DPP10: variants seen among roughly 807,000 people sequenced by gnomAD.
DPP10 encodes dipeptidyl peptidase like 10.
In DPP10, 33 loss-of-function variants were observed where a neutral mutation model predicts 120.9. The observed-to-expected ratio is 0.27, with a 90% CI of 0.21 to 0.37. The LOEUF (loss-of-function observed/expected upper bound fraction) is 0.37, where lower values mean the gene tolerates loss of function less well. DPP10 is among the 10% of genes least tolerant of loss of function. The pLI is 1.00. For missense variants in DPP10, 816 were observed against 942.8 expected (o/e 0.87, Z 1.76); for synonymous variants, 337 against 326.1 (o/e 1.03, Z -0.36).
At chr2:114,497,345 A>C (rs1246138558) in intron 1 of DPP10, among the ~76,000 whole-genome samples, 1 of 27,262 alleles carries the variant, frequency 3.7e-5, no homozygotes, top group Non-Finnish European at 1.1e-4. Flanking sequence ...GTACATATAC[A>C]TACACATGTA....
chr2:115,731,022 C>T (rs2092894527), intron 8 of DPP10, among the ~76,000 whole-genome samples: 1 of 152,032 alleles, frequency 6.6e-6, no homozygotes, highest in African/African-American at 2.4e-5. Context: ...CCCAGGATTT[C>T]AAGACCAGCC....
At chr2:115,337,890 T>C (rs2063239758) in intron 2 of DPP10, among the ~76,000 whole-genome samples, 1 of 151,918 alleles carries the variant, frequency 6.6e-6, no homozygotes, top group African/African-American at 2.4e-5. Context: ...TATATAGTTT[T>C]CTCAGTATTG....
intron 1 of DPP10, among the ~76,000 whole-genome samples, chr2:115,295,128 G>A (rs2060827681): frequency 2.0e-5 from 3 of 151,992 alleles, no homozygotes; most frequent in Admixed American, 2.0e-4. Context: ...GGACATTCTG[G>A]GGACTGCTGC....
intron 4 of DPP10, among the ~76,000 whole-genome samples, chr2:115,520,222 G>T (rs957411670): frequency 6.6e-6 from 1 of 152,158 alleles, no homozygotes. Flanking sequence ...GGAGGCTGAG[G>T]CAGGAGAACT....
intron 2 of DPP10, among the ~76,000 whole-genome samples, chr2:115,314,895 T>C (rs2061720478): frequency 6.6e-6 from 1 of 152,010 alleles, no homozygotes; most frequent in Non-Finnish European, 1.5e-5. Context: ...GAAGACAGCA[T>C]TTAAGGTATT....
At chr2:114,507,140 T>C (rs550270805) in intron 1 of DPP10, among the ~76,000 whole-genome samples, 1 of 151,062 alleles carries the variant, frequency 6.6e-6, no homozygotes. Context: ...CTCCACCTCC[T>C]GGGCTCAAGT....
At chr2:115,494,927 C>T (rs530637088) in intron 3 of DPP10, among the ~76,000 whole-genome samples, 13 of 152,002 alleles carry the variant, frequency 8.6e-5, no homozygotes, top group African/African-American at 2.2e-4. Context: ...TAGATTATCA[C>T]GTCAAAATTA....
At chr2:114,948,432 T>A (rs1697528462) in intron 1 of DPP10, among the ~76,000 whole-genome samples, 1 of 152,192 alleles carries the variant, frequency 6.6e-6, no homozygotes, top group African/African-American at 2.4e-5. Flanking sequence ...ATCCTGCTCA[T>A]CAGCTGTCTT....
At chr2:115,014,422 A>T (rs1702486349) in intron 1 of DPP10, among the ~76,000 whole-genome samples, 2 of 152,286 alleles carry the variant, frequency 1.3e-5, no homozygotes, top group South Asian at 4.1e-4. Context: ...CCCTAACATG[A>T]TAATTAAAAG....
intron 1 of DPP10, among the ~76,000 whole-genome samples, chr2:114,924,025 G>C (rs1574494406): frequency 6.6e-6 from 1 of 152,094 alleles, no homozygotes. Flanking sequence ...GGCCCAGCTT[G>C]ATTCTTAATA....
chr2:115,708,198 A>C (rs1198296681), intron 7 of DPP10, among the ~76,000 whole-genome samples: 1 of 151,946 alleles, frequency 6.6e-6, no homozygotes. Context: ...TTTAACGTTT[A>C]TGTTATTATG....
intron 1 of DPP10, among the ~76,000 whole-genome samples, chr2:114,702,254 C>T (rs888780759): frequency 6.6e-6 from 1 of 151,968 alleles, no homozygotes; most frequent in African/African-American, 2.4e-5. Flanking sequence ...ACCAGGGGGG[C>T]ATGGTCAGAA....
chr2:115,815,569 A>T, intron 20 of DPP10, 106 bp from the exon 21 acceptor site: 2 of 965,810 alleles, frequency 2.1e-6, no homozygotes, highest in South Asian at 1.9e-5. Context: ...TTAGTAAAGC[A>T]TTTCTAGTCA....
At chr2:115,761,573 A>G (rs989555345) in intron 11 of DPP10, among the ~76,000 whole-genome samples, 6 of 152,148 alleles carry the variant, frequency 3.9e-5, no homozygotes, top group Admixed American at 6.5e-5. Context: ...TGGCATTGGT[A>G]TCTATTTTAT....
intron 3 of DPP10, among the ~76,000 whole-genome samples, chr2:115,448,214 A>G (rs1314701706): frequency 6.6e-6 from 1 of 152,190 alleles, no homozygotes; most frequent in Admixed American, 6.6e-5. Flanking sequence ...ACATACACAC[A>G]CTGGAAAATG....
chr2:115,746,252 T>C, intron 10 of DPP10, 69 bp downstream of exon 10: 2 of 1,335,834 alleles, frequency 1.5e-6, no homozygotes, highest in Non-Finnish European at 2.1e-6. Context: ...TTTGTTGCAA[T>C]TTAGAGAGAG....
At chr2:115,791,219 T>A (rs1318053933) in intron 18 of DPP10, 40 bp downstream of exon 18, 6 of 1,606,500 alleles carry the variant, frequency 3.7e-6, no homozygotes, top group African/African-American at 1.3e-5. Flanking sequence ...AGAACAACTT[T>A]CTCTGCGTCT....
chr2:115,063,768 A>G (rs965014784), intron 1 of DPP10, among the ~76,000 whole-genome samples: 1 of 152,172 alleles, frequency 6.6e-6, no homozygotes, highest in African/African-American at 2.4e-5. Context: ...AAATTAACTC[A>G]AGATGGATTA....
At chr2:115,445,078 T>G (rs1027639238) in intron 3 of DPP10, among the ~76,000 whole-genome samples, 1 of 152,146 alleles carries the variant, frequency 6.6e-6, no homozygotes, top group Non-Finnish European at 1.5e-5. Context: ...GTGGTTACCC[T>G]GCTCTCTCTC....
Sources: gnomAD v4.1 joint callset for allele counts (sites outside exome capture counted in the v4.1 genomes callset) on GRCh38, gnomAD v4.1.1 for gene constraint, MANE v1.5 for transcripts, NCBI Gene and HGNC (gene_info 2026-07-23, HGNC 2026-07-21) for gene names.